Variants in NEK11 observed in about 807,000 individuals in gnomAD.
The protein encoded by NEK11 is NIMA related kinase 11.
Under a neutral mutation model 80.7 loss-of-function variants are expected in NEK11, and 72 were observed. That is an observed-to-expected ratio of 0.89 (90% CI 0.74 to 1.08). The LOEUF is 1.08. Ranked by LOEUF, NEK11 falls within the 50% of genes least tolerant of loss-of-function variation. The pLI is 0.00. For missense variants in NEK11, 764 were observed against 763.6 expected (o/e 1.00, Z -0.01); for synonymous variants, 251 against 260.7 (o/e 0.96, Z 0.36).
intron 3 of NEK11, among the ~76,000 whole-genome samples, chr3:131,053,054 G>A (rs2110067205): frequency 6.6e-6 from 1 of 152,132 alleles, no homozygotes; most frequent in African/African-American, 2.4e-5. Context: ...GTACCAAGGA[G>A]CCCTAATTGG....
chr3:131,191,990 A>G (rs535089871), intron 14 of NEK11, among the ~76,000 whole-genome samples: 10 of 152,322 alleles, frequency 6.6e-5, no homozygotes, highest in African/African-American at 2.4e-4. Context: ...CAGTATCAAC[A>G]TAGTAAAGTG....
intron 17 of NEK11, among the ~76,000 whole-genome samples, chr3:131,288,555 C>T (rs545147955): frequency 2.0e-5 from 3 of 150,356 alleles, no homozygotes; most frequent in African/African-American, 4.9e-5. Context: ...CAGGTTCAAG[C>T]GATTCTCCTG....
chr3:131,087,753 G>T (rs138873534), intron 4 of NEK11, among the ~76,000 whole-genome samples: 1 of 152,136 alleles, frequency 6.6e-6, no homozygotes, highest in Non-Finnish European at 1.5e-5. Context: ...TGGCAATGAC[G>T]TGCAGCCACC....
chr3:131,190,991 A>G (rs1380733273), intron 14 of NEK11, among the ~76,000 whole-genome samples: 1 of 152,196 alleles, frequency 6.6e-6, no homozygotes, highest in African/African-American at 2.4e-5. Flanking sequence ...ATAGCCAATA[A>G]AAGATACAAT....
chr3:131,165,384 G>A, intron 11 of NEK11, 42 bp from the exon 12 acceptor site: 2 of 1,214,934 alleles, frequency 1.6e-6, no homozygotes, highest in Non-Finnish European at 2.4e-6. Context: ...CATGGTTTTA[G>A]CAATTCGCAG....
chr3:131,039,357 A>T (rs1216969857), intron 3 of NEK11, among the ~76,000 whole-genome samples: 1 of 152,180 alleles, frequency 6.6e-6, no homozygotes, highest in South Asian at 2.1e-4. Context: ...CAAGCACAAC[A>T]CCCTCAAGTA....
intron 16 of NEK11, among the ~76,000 whole-genome samples, chr3:131,272,204 T>C (rs1471042052): frequency 1.3e-5 from 2 of 152,198 alleles, no homozygotes; most frequent in East Asian, 3.9e-4. Context: ...ATATGAGATA[T>C]GTTGAGAAAA....
intron 5 of NEK11, among the ~76,000 whole-genome samples, chr3:131,114,574 G>A (rs1308782922): frequency 1.3e-5 from 2 of 152,176 alleles, no homozygotes; most frequent in African/African-American, 4.8e-5. Flanking sequence ...CCCTTGCTCA[G>A]ACATGACAAT....
chr3:131,054,748 C>CTAAATAAA (rs538450777), intron 3 of NEK11, among the ~76,000 whole-genome samples: 3,531 of 132,580 alleles, frequency 0.027, 66 homozygotes, highest in East Asian at 0.049. Context: ...CAGCCTGCCT[C>CTAAATAAA]TAAATAAATA....
At chr3:131,224,760 T>G (rs528970531) in intron 14 of NEK11, among the ~76,000 whole-genome samples, 2 of 152,184 alleles carry the variant, frequency 1.3e-5, no homozygotes, top group South Asian at 4.1e-4. Flanking sequence ...AGCAGTAGAC[T>G]AATGTGTATG....
intron 17 of NEK11, among the ~76,000 whole-genome samples, chr3:131,300,418 A>T (rs532097360): frequency 1.6e-4 from 25 of 152,006 alleles, no homozygotes; most frequent in Non-Finnish European, 2.9e-4. Flanking sequence ...TTTTTATTGC[A>T]ATTACTTTTG....
Position 131,184,740 on chromosome 3 carries a change from A to C in NEK11, c.1399+13853A>C, listed in dbSNP as rs146137913. 501 of 1,246,926 alleles carry C rather than the reference A, an allele frequency of 4.0e-4. 5 individuals carry two copies. In the African/African-American group the frequency reaches 6.7e-3, roughly 17 times the overall value. The allele number at this position is 1,246,926 out of a possible 1,614,324, so 77.2% of individuals were successfully genotyped here. A position where few individuals can be genotyped will look rare whatever the true frequency, so the allele number is the denominator to read the frequency against. On this transcript the variant is annotated intron_variant, in intron 14 of 17. Transcript: ENST00000383366. ...AATTTCACTAGACGAATACTGGAAA[A>C]ATGAAAAATAAAGGAATTTCTGAAA...
intron 16 of NEK11, among the ~76,000 whole-genome samples, chr3:131,261,726 G>A (rs1465779878): frequency 6.6e-6 from 1 of 152,106 alleles, no homozygotes; most frequent in African/African-American, 2.4e-5. Context: ...AGTGTCTTAT[G>A]TATATGTACT....
chr3:131,162,521 A>C lies in NEK11; in HGVS notation c.1076A>C (p.Lys359Thr). Residue 359 changes from lysine (K) to threonine (T), a missense_variant, in exon 11 of 18, where the codon AAG becomes ACG. Transcript: ENST00000383366. ...CAGGCGGCTGATGAGAAAGCCAGGA[A>C]GCTGAAGTAAGCTGCTTTTCCTTTA... Reference protein sequence around the residue: ...KLQAADEKARKLKKIVEEKYE... With the variant: ...KLQAADEKARTLKKIVEEKYE... 3 of 1,614,050 alleles carry C rather than the reference A, an allele frequency of 1.9e-6. No homozygotes were observed. The highest frequency in any genetic ancestry group is 1.7e-5 in the Admixed American group (1 of 60,016).
At chr3:131,117,911 G>A (rs558809172) in intron 5 of NEK11, among the ~76,000 whole-genome samples, 44 of 152,132 alleles carry the variant, frequency 2.9e-4, no homozygotes, top group Non-Finnish European at 4.9e-4. Context: ...TGATTATGTC[G>A]TCTGCAAACA....
intron 17 of NEK11, among the ~76,000 whole-genome samples, chr3:131,295,603 T>C (rs773884235): frequency 5.9e-5 from 9 of 152,318 alleles, no homozygotes; most frequent in Admixed American, 4.6e-4. Flanking sequence ...AAACAATAGA[T>C]TGCCTTTTAC....
rs568073234 is a variant in NEK11, at chr3:131,325,469, G to A, written c.1719-24088G>A. On this transcript the variant is annotated intron_variant, in intron 17 of 17. Coordinates refer to ENST00000383366, the MANE Select transcript of NEK11 (RefSeq NM_024800.5). ...GGTGGGAAGGGAGTATGATTTGGGA[G>A]GGGAATTCATGGAGCTTCAGCTGTA... 14 of 152,140 alleles carry A rather than the reference G, an allele frequency of 9.2e-5. No individual in the cohort carries two copies. In the East Asian group the frequency reaches 2.7e-3, roughly 29 times the overall value. 9.4% of individuals were successfully genotyped at this position (152,140 alleles called of 1,614,324 possible). A position where few individuals can be genotyped will look rare whatever the true frequency, so the allele number is the denominator to read the frequency against.
intron 17 of NEK11, among the ~76,000 whole-genome samples, chr3:131,299,544 C>T (rs72991585): frequency 0.13 from 19,577 of 151,762 alleles, 1,863 homozygotes; most frequent in East Asian, 0.3. Flanking sequence ...TACCTCTCAG[C>T]AGGCCTCAGT....
intron 16 of NEK11, among the ~76,000 whole-genome samples, chr3:131,245,437 G>C (rs1262068056): frequency 6.6e-6 from 1 of 151,984 alleles, no homozygotes; most frequent in East Asian, 1.9e-4. Context: ...TTGATATAAT[G>C]ATATAATGAT....
Sources: gnomAD v4.1 joint callset for allele counts (sites outside exome capture counted in the v4.1 genomes callset) on GRCh38, gnomAD v4.1.1 for gene constraint, MANE v1.5 for transcripts, NCBI Gene and HGNC (gene_info 2026-07-23, HGNC 2026-07-21) for gene names.